Variants in CEACAM6 observed in about 807,000 individuals in gnomAD.
CEACAM6 encodes the protein cell adhesion molecule CEACAM6.
CEACAM6 carries 21 observed loss-of-function variants against 32.4 expected under a neutral mutation model. The ratio of observed to expected loss-of-function variants is 0.65; its 90% CI spans 0.46 to 0.93. CEACAM6 has a LOEUF of 0.93. Among genes scored for constraint, CEACAM6 ranks in the 40% least tolerant of loss-of-function variants. The probability of loss-of-function intolerance (pLI) is 0.00; values close to 1 mark genes in which losing one functional copy is unlikely to be tolerated. For missense variants in CEACAM6, 406 were observed against 432.2 expected (o/e 0.94, Z 0.54); for synonymous variants, 184 against 174.4 (o/e 1.06, Z -0.43).
chr19:41,761,638 C>A lies in CEACAM6; in HGVS notation c.703+111C>A. 2.6e-6 allele frequency: 4 copies of A among 1,537,654 alleles called. No individual in the cohort carries two copies. The South Asian group carries it at 5.0e-5, about 19-fold the overall frequency. Reference sequence around the variant, plus strand: ...CTAAGGACTCAGACCCTCACCCAGGCTGGCCATGACTTCCTGCCCTGAGCA... The same window carrying A: ...CTAAGGACTCAGACCCTCACCCAGGATGGCCATGACTTCCTGCCCTGAGCA... On this transcript the variant is annotated intron_variant, in intron 3 of 5. Coordinates refer to ENST00000199764, the MANE Select transcript of CEACAM6 (RefSeq NM_002483.7).
chr19:41,756,485 C>CAA, intron 1 of CEACAM6, 115 bp from the exon 2 acceptor site: 2 of 1,479,392 alleles, frequency 1.4e-6, no homozygotes, highest in Non-Finnish European at 1.8e-6. Context: ...CACACACACA[C>CAA]ACACACACGC....
intron 4 of CEACAM6, among the ~76,000 whole-genome samples, chr19:41,763,778 G>A (rs2072941598): frequency 6.6e-6 from 1 of 152,162 alleles, no homozygotes; most frequent in Non-Finnish European, 1.5e-5. Flanking sequence ...TCTTCTCTCT[G>A]TTTTCTGCAC....
At position 41,763,388 on chromosome 19, in the gene CEACAM6, G is replaced by GA. The variant is rs374654208; in HGVS notation, c.958+1171dup. On this transcript the variant is annotated intron_variant, in intron 4 of 5. Coordinates refer to ENST00000199764, the MANE Select transcript of CEACAM6 (RefSeq NM_002483.7). ...GATGTCCTTAAATAGCAAAGCCTCAGAAAAAACACACCTTGGCTGGGTGGT... is the reference window on the plus strand; with the variant it reads ...GATGTCCTTAAATAGCAAAGCCTCAGAAAAAAACACACCTTGGCTGGGTGGT... Among the ~76,000 whole-genome samples, 400 of 152,228 alleles carry GA rather than the reference G, an allele frequency of 2.6e-3. 1 individual carries two copies. The highest frequency in any genetic ancestry group is 9.1e-3 in the African/African-American group (376 of 41,524).
rs907643010 is a variant in CEACAM6, at chr19:41,771,835, A to T, written c.*1074A>T. 6.6e-6 allele frequency: 1 copy of T among 152,054 alleles called. No homozygotes were observed. The highest frequency in any genetic ancestry group is 1.5e-5 in the Non-Finnish European group (1 of 68,004). The allele number at this position is 152,054 out of a possible 1,614,324, so 9.4% of individuals were successfully genotyped here. A position where few individuals can be genotyped will look rare whatever the true frequency, so the allele number is the denominator to read the frequency against. On this transcript the variant is annotated 3_prime_UTR_variant, in exon 6 of 6. Transcript: ENST00000199764. The stretch of plus-strand genomic sequence containing the variant: ...CACTAATGCTTTAAGATTTGGTCAC[A>T]CTCTCACCTAGGTGAGCGCATTGAG...
intron 3 of CEACAM6, 140 bp downstream of exon 3, chr19:41,761,667 C>T: frequency 1.4e-6 from 2 of 1,421,820 alleles, no homozygotes; most frequent in Non-Finnish European, 1.9e-6. Flanking sequence ...CTGAGCAAAC[C>T]TGGGCAGACC....
rs2072928868 is a variant in CEACAM6 at position 41,762,097 on chromosome 19, C to A, written c.832C>A (p.Gln278Lys). 1 of 1,614,148 alleles carries A rather than the reference C, an allele frequency of 6.2e-7. No homozygotes were observed. Among genetic ancestry groups the A allele is most frequent in the African/African-American group, 1.3e-5 (1 of 75,028 alleles). Residue 278 changes from glutamine (Q) to lysine (K), a missense_variant, in exon 4 of 6, where the codon CAG (glutamine) becomes AAG (lysine). Coordinates refer to ENST00000199764, the MANE Select transcript of CEACAM6 (RefSeq NM_002483.7). ...CTCTTGGTTTATCAATGGGACGTTCCAGCAATCCACACAAGAGCTCTTTAT... is the reference window on the plus strand; with the variant it reads ...CTCTTGGTTTATCAATGGGACGTTCAAGCAATCCACACAAGAGCTCTTTAT... ...QYSWFINGTF[Q>K]QSTQELFIPN...
intron 2 of CEACAM6, among the ~76,000 whole-genome samples, chr19:41,758,428 A>G (rs1017968979): frequency 1.3e-5 from 2 of 152,198 alleles, no homozygotes; most frequent in Admixed American, 1.3e-4. Context: ...GCAGAATCCT[A>G]TGAGGTTCTG....
chr19:41,761,582 C>A (rs2072924757), intron 3 of CEACAM6, 55 bp downstream of exon 3: 1 of 1,601,204 alleles, frequency 6.2e-7, no homozygotes, highest in Non-Finnish European at 8.5e-7. Context: ...TCCACACAGC[C>A]AGAGTCCAGG....
At chr19:41,766,122 T>C (rs2072954053) in intron 4 of CEACAM6, 61 bp from the exon 5 acceptor site, 3 of 1,202,770 alleles carry the variant, frequency 2.5e-6, no homozygotes, top group Non-Finnish European at 3.6e-6. Flanking sequence ...TGACAGCTAG[T>C]TCTTGGGGAC....
intron 4 of CEACAM6, among the ~76,000 whole-genome samples, chr19:41,764,197 G>A (rs77128098): frequency 0.012 from 1,836 of 152,188 alleles, 31 homozygotes; most frequent in African/African-American, 0.042. Context: ...GAATTTGTCC[G>A]TTTCATCTAG....
chr19:41,770,164 C>A (rs1483280676), intron 5 of CEACAM6, among the ~76,000 whole-genome samples: 1 of 150,272 alleles, frequency 6.7e-6, no homozygotes, highest in Non-Finnish European at 1.5e-5. Context: ...ATAATCCCAG[C>A]ACTTTGGGAG....
intron 4 of CEACAM6, among the ~76,000 whole-genome samples, chr19:41,765,780 A>G (rs1385059211): frequency 6.6e-6 from 1 of 152,218 alleles, no homozygotes; most frequent in Non-Finnish European, 1.5e-5. Flanking sequence ...CAAAGAACAT[A>G]GTAAATTCAG....
chr19:41,766,132 C>A (rs545374607), intron 4 of CEACAM6, 51 bp from the exon 5 acceptor site: 1 of 1,310,782 alleles, frequency 7.6e-7, no homozygotes, highest in Non-Finnish European at 1.1e-6. Flanking sequence ...TTCTTGGGGA[C>A]CCCACTGTAG....
chr19:41,768,754 C>T (rs1304104440), intron 5 of CEACAM6, among the ~76,000 whole-genome samples: 2 of 147,324 alleles, frequency 1.4e-5, no homozygotes, highest in Admixed American at 1.3e-4. Flanking sequence ...CCCTCCCGGA[C>T]GGGGCGGCTG....
In CEACAM6 at chr19:41,762,155, A is replaced by G. The variant is rs1555821990; in HGVS notation, c.890A>G (p.Tyr297Cys). 1.2e-6 allele frequency: 2 copies of G among 1,614,144 alleles called. No homozygotes were observed. The highest frequency in any genetic ancestry group is 1.7e-6 in the Non-Finnish European group (2 of 1,180,032). ...ATCACTGTGAATAATAGCGGATCCT[A>G]TATGTGCCAAGCCCATAACTCAGCC... ...PNITVNNSGS[Y>C]MCQAHNSATG... Residue 297 changes from tyrosine to cysteine, a missense_variant, in exon 4 of 6, where the codon TAT (tyrosine) becomes TGT (cysteine). By Grantham distance (194) the Tyr-to-Cys change is radical (BLOSUM62 -2). Coordinates refer to ENST00000199764, the MANE Select transcript of CEACAM6 (RefSeq NM_002483.7).
chr19:41,761,382 G>A lies in CEACAM6; in HGVS notation c.558G>A (p.Pro186=), dbSNP rs781933343. ...GGTGGGTAAATGGTCAGAGCCTCCC[G>A]GTCAGTCCCAGGCTGCAGCTGTCCA... ...YLWWVNGQSL[P]VSPRLQLSNG... Residue 186 remains proline (P), a synonymous_variant, in exon 3 of 6, where the codon CCG becomes CCA. Coordinates refer to ENST00000199764, the MANE Select transcript of CEACAM6 (RefSeq NM_002483.7). 2.9e-5 allele frequency: 46 copies of A among 1,614,026 alleles called. No individual in the cohort carries two copies. The highest frequency in any genetic ancestry group is 3.3e-5 in the South Asian group (3 of 91,076).
intron 2 of CEACAM6, among the ~76,000 whole-genome samples, chr19:41,758,268 A>G (rs546827212): frequency 6.6e-6 from 1 of 152,192 alleles, no homozygotes; most frequent in South Asian, 2.1e-4. Flanking sequence ...AAAGGAGAGG[A>G]CTTTGCTTTC....
At chr19:41,768,040 T>C (rs1244799754) in intron 5 of CEACAM6, among the ~76,000 whole-genome samples, 1 of 152,220 alleles carries the variant, frequency 6.6e-6, no homozygotes, top group Non-Finnish European at 1.5e-5. Flanking sequence ...CAGAAGTAAC[T>C]AAATGTCTAT....
intron 5 of CEACAM6, among the ~76,000 whole-genome samples, chr19:41,767,828 T>C (rs1393719595): frequency 1.3e-5 from 2 of 152,178 alleles, no homozygotes. Context: ...AAGAACTCAG[T>C]AATCTAACTG....
Sources: allele counts gnomAD v4.1 joint callset (sites outside exome capture counted in the v4.1 genomes callset), GRCh38; gene constraint gnomAD v4.1.1; transcripts MANE v1.5; gene names NCBI Gene and HGNC (gene_info 2026-07-23, HGNC 2026-07-21).